DGLUCY: variants seen among roughly 807,000 people sequenced by gnomAD.
DGLUCY encodes the protein D-glutamate cyclase.
DGLUCY carries 58 observed loss-of-function variants against 58.5 expected under a neutral mutation model. The observed-to-expected ratio is 0.99, with a 90% confidence interval of 0.80 to 1.23. DGLUCY has a LOEUF of 1.23. Ranked by LOEUF, DGLUCY falls within the 50% of genes most tolerant of loss-of-function variation. The pLI is 0.00. For missense variants in DGLUCY, 779 were observed against 784.7 expected, an observed-to-expected ratio of 0.99 and a Z score of 0.09; for synonymous variants, 325 against 314.1, an observed-to-expected ratio of 1.03 and a Z score of -0.37.
intron 5 of DGLUCY, among the ~76,000 whole-genome samples, chr14:91,172,877 C>T (rs1825393319): frequency 6.6e-6 from 1 of 152,126 alleles, no homozygotes; most frequent in Non-Finnish European, 1.5e-5. Flanking sequence ...GAACTCCTGA[C>T]CTCGTGATCC....
intron 12 of DGLUCY, among the ~76,000 whole-genome samples, chr14:91,207,359 C>T (rs1884924751): frequency 6.6e-6 from 1 of 151,660 alleles, no homozygotes; most frequent in African/African-American, 2.4e-5. Context: ...AAACCCACAA[C>T]AGATCAGAAT....
chr14:91,062,564 T>A (rs867974591), intron 1 of DGLUCY, among the ~76,000 whole-genome samples: 6,362 of 14,054 alleles, frequency 0.45, 804 homozygotes, highest in Non-Finnish European at 0.5. Context: ...AAAAAATATA[T>A]ATATATATAT....
exon 1 of DGLUCY, chr14:91,060,402 G>C: frequency 6.6e-7 from 1 of 1,505,176 alleles, no homozygotes; most frequent in Admixed American, 2.0e-5. Context: ...TGGTCCCCGC[G>C]GCGCCGCCGC....
intron 1 of DGLUCY, among the ~76,000 whole-genome samples, chr14:91,121,726 A>T (rs2045378909): frequency 1.3e-5 from 2 of 152,070 alleles, no homozygotes. Flanking sequence ...TTCATTATTT[A>T]TCTATCATCA....
Position 91,118,976 on chromosome 14 carries a change from T to A in DGLUCY, c.-82+4693T>A, listed in dbSNP as rs79337005. Among the ~76,000 whole-genome samples the A allele has an allele frequency of 4.0e-4, 61 of 152,138 alleles. No individual in the cohort carries two copies. The East Asian group carries it at 4.6e-3, about 12-fold the overall frequency. On this transcript the variant is annotated intron_variant, in intron 1 of 13. Transcript: ENST00000256324. The stretch of plus-strand genomic sequence containing the variant: ...AGTCTACCTAAAAAGTTAAAAAAAA[T>A]TTTTTTAAATTATACTACTACTACT...
chr14:91,214,388 A>G (rs10129644), intron 12 of DGLUCY, among the ~76,000 whole-genome samples: 81,599 of 152,098 alleles, frequency 0.54, 23,901 homozygotes, highest in African/African-American at 0.79. Flanking sequence ...CAAAACTGGG[A>G]AATAAGCCCT....
chr14:91,079,006 C>T (rs1462494615), intron 1 of DGLUCY, among the ~76,000 whole-genome samples: 2 of 151,838 alleles, frequency 1.3e-5, no homozygotes, highest in Admixed American at 6.6e-5. Context: ...AGGATTCAAG[C>T]GATTCTCCTG....
chr14:91,112,172 C>T (rs972735239), upstream of DGLUCY, among the ~76,000 whole-genome samples: 1 of 151,840 alleles, frequency 6.6e-6, no homozygotes, highest in Non-Finnish European at 1.5e-5. Context: ...TCAGTTGAAC[C>T]CAGGAGGCGA....
intron 1 of DGLUCY, among the ~76,000 whole-genome samples, chr14:91,074,116 TATACACACACACACACACACACAC>T (rs1227514619): frequency 2.1e-4 from 16 of 77,484 alleles, no homozygotes; most frequent in Non-Finnish European, 3.3e-4. Flanking sequence ...TATATATATA[TATACACACACACACACACACACAC>T]ACACACACAC....
intron 1 of DGLUCY, among the ~76,000 whole-genome samples, chr14:91,146,122 C>T (rs895500738): frequency 8.5e-5 from 13 of 152,216 alleles, no homozygotes; most frequent in African/African-American, 2.7e-4. Context: ...ATCCACCCTC[C>T]TCAGCCTCCC....
At chr14:91,146,980 C>G (rs2047046724) in intron 1 of DGLUCY, among the ~76,000 whole-genome samples, 2 of 151,894 alleles carry the variant, frequency 1.3e-5, no homozygotes, top group Admixed American at 1.3e-4. Context: ...AGCTGCACGG[C>G]CAGGGAAGAA....
chr14:91,111,136 G>A (rs1196488636), upstream of DGLUCY, among the ~76,000 whole-genome samples: 2 of 151,738 alleles, frequency 1.3e-5, no homozygotes, highest in Non-Finnish European at 2.9e-5. Context: ...AGATTGGGAA[G>A]TCCAGGATCA....
intron 8 of DGLUCY, among the ~76,000 whole-genome samples, chr14:91,186,071 G>A (rs920262568): frequency 5.9e-5 from 9 of 152,132 alleles, no homozygotes; most frequent in Non-Finnish European, 1.0e-4. Context: ...GGAATATGAA[G>A]GGATATAGGG....
intron 1 of DGLUCY, among the ~76,000 whole-genome samples, chr14:91,134,981 T>C (rs546894095): frequency 3.0e-4 from 46 of 152,056 alleles, no homozygotes; most frequent in Admixed American, 2.4e-3. Flanking sequence ...CTGGAGTGCA[T>C]TGGTGTGATC....
chr14:91,120,042 C>T (rs2045253514), intron 1 of DGLUCY, among the ~76,000 whole-genome samples: 2 of 152,154 alleles, frequency 1.3e-5, no homozygotes, highest in African/African-American at 4.8e-5. Flanking sequence ...CTTCCCTGCT[C>T]CTCGGCTTGC....
intron 1 of DGLUCY, among the ~76,000 whole-genome samples, chr14:91,078,876 T>TTTTATTTATTTA (rs34232625): frequency 0.057 from 7,738 of 136,676 alleles, 267 homozygotes; most frequent in Middle Eastern, 0.093. Flanking sequence ...TATTTTTAAT[T>TTTTATTTATTTA]TTTATTTATT....
At chr14:91,164,898 C>G (rs926975842) in intron 3 of DGLUCY, among the ~76,000 whole-genome samples, 1 of 152,232 alleles carries the variant, frequency 6.6e-6, no homozygotes, top group African/African-American at 2.4e-5. Context: ...GGTAGCAAAA[C>G]CAGCCAGGCC....
chr14:91,211,800 T>TTTGA (rs79998257), intron 12 of DGLUCY, among the ~76,000 whole-genome samples: 9 of 151,670 alleles, frequency 5.9e-5, no homozygotes, highest in African/African-American at 1.2e-4. Flanking sequence ...TTTATTTTAA[T>TTTGA]TTGATTGATT....
chr14:91,135,388 G>A (rs542381057), intron 1 of DGLUCY, among the ~76,000 whole-genome samples: 4 of 152,204 alleles, frequency 2.6e-5, no homozygotes, highest in Admixed American at 2.0e-4. Context: ...GGTGGCTCAC[G>A]CCTATAATCC....
Sources: gnomAD v4.1 joint callset for allele counts (sites outside exome capture counted in the v4.1 genomes callset) on GRCh38, gnomAD v4.1.1 for gene constraint, MANE v1.5 for transcripts, NCBI Gene and HGNC (gene_info 2026-07-23, HGNC 2026-07-21) for gene names.